The following FNDC3B variants were observed in gnomAD, a reference collection of about 807,000 sequenced individuals.
The protein encoded by FNDC3B is fibronectin type III domain containing 3B.
A neutral mutation model predicts 151.5 loss-of-function variants in FNDC3B; 12 were observed. That is an observed-to-expected ratio of 0.08 (90% CI 0.05 to 0.13). The LOEUF is 0.13. FNDC3B is among the 10% of genes least tolerant of loss of function. The pLI is 1.00. For missense variants in FNDC3B, 1,214 were observed against 1,505.3 expected, an observed-to-expected ratio of 0.81 and a Z score of 3.20; for synonymous variants, 528 against 549.0, an observed-to-expected ratio of 0.96 and a Z score of 0.54.
intron 3 of FNDC3B, among the ~76,000 whole-genome samples, chr3:172,138,083 G>A (rs558965201): frequency 2.6e-5 from 4 of 152,248 alleles, no homozygotes; most frequent in African/African-American, 7.2e-5. Flanking sequence ...TCTGCTCCCT[G>A]TAAAATCCTC....
chr3:172,147,314 A>C lies in FNDC3B; in HGVS notation c.187+13768A>C, dbSNP rs568893284. On this transcript the variant is annotated intron_variant, in intron 3 of 25. Coordinates refer to ENST00000415807, the MANE Select transcript of FNDC3B (RefSeq NM_022763.4). ...GAGTGAGACCCTGTCTCCAAACAAA[A>C]AAAAAAAAAAAGTGAGGTGAGAAAA... Among the ~76,000 whole-genome samples, 1,477 of 149,574 alleles carry C rather than the reference A, an allele frequency of 9.9e-3. 20 individuals carry two copies. The highest frequency in any genetic ancestry group is 0.033 in the African/African-American group (1,324 of 39,942).
chr3:172,052,700 TGGAAATCCTTATC>T (rs1204520960), intron 1 of FNDC3B, among the ~76,000 whole-genome samples: 5 of 152,166 alleles, frequency 3.3e-5, no homozygotes, highest in African/African-American at 1.2e-4. Flanking sequence ...GGGTGGGATC[TGGAAATCCTTATC>T]AAGTGTTTCA....
intron 6 of FNDC3B, among the ~76,000 whole-genome samples, chr3:172,256,137 G>A (rs1316885882): frequency 6.6e-6 from 1 of 152,174 alleles, no homozygotes; most frequent in African/African-American, 2.4e-5. Flanking sequence ...ACCTCTTGTG[G>A]CCCTTCACAT....
rs184626146 is a variant in FNDC3B at position 172,174,701 on chromosome 3, C to G, written c.187+41155C>G. Among the ~76,000 whole-genome samples the G allele has an allele frequency of 1.0e-3, 159 of 151,792 alleles. 1 individual carries two copies. Among genetic ancestry groups the G allele is most frequent in the Middle Eastern group, 3.4e-3 (1 of 292 alleles). On this transcript the variant is annotated intron_variant, in intron 3 of 25. Transcript: ENST00000415807. ...AGGGGCCTTATACAGATTGGGAGGG[C>G]GACAGCAAAGGCATGGTGAAATTTC...
chr3:172,178,200 T>TGGCACAGTCATCAGGGAATA (rs1491495038), intron 3 of FNDC3B, among the ~76,000 whole-genome samples: 21 of 152,116 alleles, frequency 1.4e-4, no homozygotes, highest in Non-Finnish European at 2.8e-4. Flanking sequence ...TGCCTAGTGC[T>TGGCACAGTCATCAGGGAATA]GATGGCCACA....
intron 3 of FNDC3B, among the ~76,000 whole-genome samples, chr3:172,202,096 T>C (rs776227777): frequency 6.6e-5 from 10 of 152,216 alleles, no homozygotes; most frequent in Non-Finnish European, 1.3e-4. Flanking sequence ...GCAACTGCAG[T>C]TGAGCTGGCA....
At chr3:172,187,242 G>A (rs957471921) in intron 3 of FNDC3B, 6 of 152,378 alleles carry the variant, frequency 3.9e-5, no homozygotes, top group African/African-American at 1.4e-4. Context: ...TTAAAAAATG[G>A]GATCTTAAAC....
intron 15 of FNDC3B, 46 bp from the exon 16 acceptor site, chr3:172,337,284 A>C: frequency 7.5e-7 from 1 of 1,329,672 alleles, no homozygotes; most frequent in Non-Finnish European, 1.1e-6. Flanking sequence ...TACCAATAAA[A>C]ATCAATATCC....
At chr3:172,118,429 A>G (rs1720370361) in intron 2 of FNDC3B, among the ~76,000 whole-genome samples, 1 of 152,254 alleles carries the variant, frequency 6.6e-6, no homozygotes, top group South Asian at 2.1e-4. Context: ...TCTACTCCTC[A>G]GAAATCCCAA....
intron 3 of FNDC3B, among the ~76,000 whole-genome samples, chr3:172,148,215 T>C (rs1440224637): frequency 1.3e-5 from 2 of 152,138 alleles, no homozygotes; most frequent in Non-Finnish European, 2.9e-5. Flanking sequence ...TAATGAATAA[T>C]ATTATGTAGT....
intron 9 of FNDC3B, among the ~76,000 whole-genome samples, chr3:172,303,227 C>T (rs578148511): frequency 2.6e-5 from 4 of 152,046 alleles, no homozygotes; most frequent in Non-Finnish European, 2.9e-5. Flanking sequence ...TCTTTATCAG[C>T]GATAGGATAA....
chr3:172,174,944 C>CCCCCCCCCCCCCCCCCCCG (rs924176605), intron 3 of FNDC3B, among the ~76,000 whole-genome samples: 2 of 50,654 alleles, frequency 3.9e-5, no homozygotes, highest in Admixed American at 1.8e-4. Flanking sequence ...CCCCCCCCCC[C>CCCCCCCCCCCCCCCCCCCG]CCAATACAAT....
chr3:172,131,682 G>C (rs1359136823), intron 2 of FNDC3B, among the ~76,000 whole-genome samples: 1 of 152,174 alleles, frequency 6.6e-6, no homozygotes, highest in African/African-American at 2.4e-5. Flanking sequence ...TAGTATTCCA[G>C]CAGTATCATC....
chr3:172,225,238 A>T (rs1362902257), intron 3 of FNDC3B, among the ~76,000 whole-genome samples: 7 of 152,148 alleles, frequency 4.6e-5, no homozygotes, highest in Admixed American at 6.6e-5. Context: ...TGGTGGCTTG[A>T]TCTTGACTCA....
chr3:172,287,084 G>T (rs1156392441), intron 7 of FNDC3B, among the ~76,000 whole-genome samples: 1 of 152,178 alleles, frequency 6.6e-6, no homozygotes, highest in African/African-American at 2.4e-5. Flanking sequence ...CCTCCTCTCA[G>T]GAATTGCTTC....
Position 172,352,906 on chromosome 3 carries a change from A to G in FNDC3B, c.2618A>G (p.Glu873Gly). ...PVSTLCVLEE[E>G]PLDAYPDSPS... is the part of the protein sequence containing the mutation. Reference sequence around the variant, plus strand: ...TCCACTCTCTGTGTCCTGGAGGAGGAGCCCCTTGATGCCTACCCTGATTCA... The same window carrying G: ...TCCACTCTCTGTGTCCTGGAGGAGGGGCCCCTTGATGCCTACCCTGATTCA... Residue 873 changes from glutamate (E) to glycine (G), a missense_variant, in exon 22 of 26, where the codon GAG becomes GGG. By Grantham distance (98) the Glu-to-Gly change is moderately conservative. Around this residue, in one of 7 missense-constraint regions of FNDC3B, gnomAD observed 380 missense variants for 420.9 expected, o/e 0.90. Coordinates refer to ENST00000415807, the MANE Select transcript of FNDC3B (RefSeq NM_022763.4). This position sits in a 1 kb window ranked among gnomAD's most constrained non-coding sequence, Gnocchi z 4.2. 1 of 1,614,090 alleles carries G rather than the reference A, an allele frequency of 6.2e-7. No homozygotes were observed. Among genetic ancestry groups the G allele is most frequent in the East Asian group, 2.2e-5 (1 of 44,876 alleles).
chr3:172,239,053 A>AT (rs202062580), intron 4 of FNDC3B, among the ~76,000 whole-genome samples: 413 of 94,690 alleles, frequency 4.4e-3, no homozygotes, highest in African/African-American at 0.016. Flanking sequence ...TAATTAATTT[A>AT]TTTTTTTTTT....
At chr3:172,223,463 CTG>C (rs1487368499) in intron 3 of FNDC3B, among the ~76,000 whole-genome samples, 2 of 152,098 alleles carry the variant, frequency 1.3e-5, no homozygotes, top group East Asian at 1.9e-4. Flanking sequence ...GAAATCAAGA[CTG>C]TGAAGAAAAC....
At chr3:172,344,311 C>A in intron 19 of FNDC3B, 53 bp downstream of exon 19, 1 of 1,517,824 alleles carries the variant, frequency 6.6e-7, no homozygotes, top group Non-Finnish European at 8.9e-7. Context: ...AATCAGAACC[C>A]AAAGTGCTAG....
Sources: allele counts gnomAD v4.1 joint callset (sites outside exome capture counted in the v4.1 genomes callset), GRCh38; gene constraint gnomAD v4.1.1; regional missense constraint gnomAD v4.1.1; non-coding constraint Gnocchi (gnomAD v3.1); transcripts MANE v1.5; gene names NCBI Gene and HGNC (gene_info 2026-07-23, HGNC 2026-07-21).